Variants in RORA observed in about 807,000 individuals in gnomAD.
The protein encoded by RORA is RAR related orphan receptor A.
Under a neutral mutation model 69.5 loss-of-function variants are expected in RORA, and 7 were observed. The observed-to-expected ratio is 0.10, with a 90% CI of 0.06 to 0.19. The LOEUF is 0.19. RORA is among the 10% of genes least tolerant of loss of function. The pLI is 1.00. For synonymous variants in RORA, 261 were observed against 240.8 expected, an observed-to-expected ratio of 1.08 and a Z score of -0.78; for missense variants, 457 against 663.0, an observed-to-expected ratio of 0.69 and a Z score of 3.41.
intron 2 of RORA, among the ~76,000 whole-genome samples, chr15:60,547,323 CCTT>C (rs2067101707): frequency 2.3e-5 from 2 of 88,730 alleles, no homozygotes; most frequent in African/African-American, 6.1e-5. Flanking sequence ...TCCCTCTCCT[CCTT>C]TTTTTTTTTT....
intron 1 of RORA, among the ~76,000 whole-genome samples, chr15:60,858,452 G>A (rs1238676170): frequency 6.6e-6 from 1 of 152,152 alleles, no homozygotes; most frequent in East Asian, 1.9e-4. Context: ...CTGATGGACT[G>A]CAATGTTTGG....
At chr15:60,691,796 C>T (rs931571674) in intron 1 of RORA, among the ~76,000 whole-genome samples, 10 of 152,230 alleles carry the variant, frequency 6.6e-5, no homozygotes, top group African/African-American at 2.2e-4. Context: ...GCATGCATGC[C>T]TCATCTGTTA....
intron 1 of RORA, among the ~76,000 whole-genome samples, chr15:61,077,996 G>T (rs1346514274): frequency 6.6e-6 from 1 of 152,104 alleles, no homozygotes; most frequent in African/African-American, 2.4e-5. Flanking sequence ...AACCTTGCTT[G>T]CAAAACAAAC....
intron 1 of RORA, among the ~76,000 whole-genome samples, chr15:61,118,710 C>T (rs565837895): frequency 5.9e-5 from 9 of 152,234 alleles, no homozygotes; most frequent in East Asian, 5.8e-4. Context: ...TTCTGTGACA[C>T]TCTCCTCAAG....
chr15:60,506,698 C>CA (rs113604907), intron 5 of RORA, among the ~76,000 whole-genome samples: 83 of 150,766 alleles, frequency 5.5e-4, no homozygotes, highest in African/African-American at 1.5e-3. Flanking sequence ...ATTAAAAATA[C>CA]AAAAAAAAAT....
chr15:60,747,112 C>T (rs1042336015), intron 1 of RORA, among the ~76,000 whole-genome samples: 6 of 152,206 alleles, frequency 3.9e-5, no homozygotes, highest in African/African-American at 1.4e-4. Context: ...TGGGGAATAT[C>T]CCCCTGCTCA....
intron 1 of RORA, among the ~76,000 whole-genome samples, chr15:60,843,012 G>A (rs749452989): frequency 1.4e-4 from 21 of 151,974 alleles, no homozygotes; most frequent in Non-Finnish European, 1.9e-4. Context: ...CACCCTTCTC[G>A]TTCACCCACC....
chr15:60,835,791 A>T (rs767224838), intron 1 of RORA, among the ~76,000 whole-genome samples: 6 of 152,236 alleles, frequency 3.9e-5, no homozygotes, highest in Non-Finnish European at 8.8e-5. Flanking sequence ...CTATTCTGAC[A>T]TGCAACCAAG....
At chr15:60,975,051 G>A (rs758788029) in intron 1 of RORA, among the ~76,000 whole-genome samples, 2 of 152,212 alleles carry the variant, frequency 1.3e-5, no homozygotes, top group Non-Finnish European at 2.9e-5. Context: ...TTTCCTGAAT[G>A]GGAGGGGAGC....
At position 60,891,888 on chromosome 15, in the gene RORA, C is replaced by T. The variant is rs114532966; in HGVS notation, c.167-213202G>A. On this transcript the variant is annotated intron_variant, in intron 1 of 10. Coordinates refer to ENST00000335670, the MANE Select transcript of RORA (RefSeq NM_134261.3). ...ATGGTCACCACCTCCTGGATGCCTT[C>T]GTGGCTTCCCAAACCTTCAGGGTGG... Among the ~76,000 whole-genome samples, 1,147 of 152,288 alleles carry T rather than the reference C, an allele frequency of 7.5e-3. 15 individuals are homozygous for T. The highest frequency in any genetic ancestry group is 0.026 in the African/African-American group (1,085 of 41,560).
At chr15:61,079,164 G>A (rs745590468) in intron 1 of RORA, among the ~76,000 whole-genome samples, 8 of 151,786 alleles carry the variant, frequency 5.3e-5, no homozygotes, top group East Asian at 1.9e-4. Flanking sequence ...TCTAATCTAC[G>A]ACTATTACAA....
intron 1 of RORA, among the ~76,000 whole-genome samples, chr15:60,937,898 G>A (rs74017883): frequency 0.011 from 1,667 of 152,308 alleles, 34 homozygotes; most frequent in African/African-American, 0.037. Context: ...TTAATACAGA[G>A]CACAATATCA....
chr15:60,875,815 C>T (rs537629727), intron 1 of RORA, among the ~76,000 whole-genome samples: 1 of 152,260 alleles, frequency 6.6e-6, no homozygotes, highest in East Asian at 1.9e-4. Context: ...ATGAATGAAG[C>T]CAGGCCTTCA....
At chr15:60,560,067 C>T (rs1258950063) in intron 2 of RORA, among the ~76,000 whole-genome samples, 1 of 151,916 alleles carries the variant, frequency 6.6e-6, no homozygotes, top group Non-Finnish European at 1.5e-5. Context: ...ATCATTGTAG[C>T]CCATACCTGG....
chr15:61,017,825 T>C (rs1895357408), intron 1 of RORA, among the ~76,000 whole-genome samples: 1 of 152,204 alleles, frequency 6.6e-6, no homozygotes. Flanking sequence ...GACAAACACA[T>C]GTGCATTCCT....
chr15:60,818,082 G>C (rs2072841557), intron 1 of RORA, among the ~76,000 whole-genome samples: 1 of 152,144 alleles, frequency 6.6e-6, no homozygotes, highest in South Asian at 2.1e-4. Flanking sequence ...GAAATACTGT[G>C]AGTGAGAGGG....
chr15:60,677,428 C>T (rs1055794210), intron 2 of RORA, among the ~76,000 whole-genome samples: 4 of 152,116 alleles, frequency 2.6e-5, no homozygotes, highest in African/African-American at 7.2e-5. Flanking sequence ...AGGTGCCATC[C>T]GGATCATGTG....
At chr15:60,842,143 C>T (rs539050267) in intron 1 of RORA, among the ~76,000 whole-genome samples, 1 of 152,220 alleles carries the variant, frequency 6.6e-6, no homozygotes, top group South Asian at 2.1e-4. Flanking sequence ...TTTTCCACCC[C>T]CTTCCCTTCT....
At chr15:60,899,901 G>A (rs1439502322) in intron 1 of RORA, among the ~76,000 whole-genome samples, 3 of 152,238 alleles carry the variant, frequency 2.0e-5, no homozygotes, top group Non-Finnish European at 4.4e-5. Context: ...ATATAGCAGA[G>A]TGGGAGAAGC....
Sources: gnomAD v4.1 joint callset for allele counts (sites outside exome capture counted in the v4.1 genomes callset) on GRCh38, gnomAD v4.1.1 for gene constraint, MANE v1.5 for transcripts, NCBI Gene and HGNC (gene_info 2026-07-23, HGNC 2026-07-21) for gene names.